MAST3: variants seen among roughly 807,000 people sequenced by gnomAD.
MAST3 encodes microtubule associated serine/threonine kinase 3, also known as microtubule-associated serine/threonine-protein kinase 3.
A neutral mutation model predicts 127.0 loss-of-function variants in MAST3; 43 were observed. The ratio of observed to expected loss-of-function variants is 0.34; its 90% CI spans 0.27 to 0.44. The LOEUF is 0.44. Ranked by LOEUF, MAST3 falls within the 20% of genes least tolerant of loss-of-function variation. The probability of loss-of-function intolerance (pLI) is 1.00; values close to 1 mark genes in which losing one functional copy is unlikely to be tolerated. For synonymous variants in MAST3, 785 were observed against 809.2 expected (o/e 0.97, Z 0.51); for missense variants, 1,390 against 1,919.1 (o/e 0.72, Z 5.15).
chr19:18,138,709 G>T (rs1363666412), intron 19 of MAST3, among the ~76,000 whole-genome samples: 1 of 152,164 alleles, frequency 6.6e-6, no homozygotes, highest in African/African-American at 2.4e-5. Flanking sequence ...ATGTTGGCCA[G>T]GCTGGTCTCA....
intron 2 of MAST3, among the ~76,000 whole-genome samples, chr19:18,108,713 C>G (rs1234665032): frequency 6.6e-6 from 1 of 151,940 alleles, no homozygotes. Flanking sequence ...CATTATTGTT[C>G]AATGCTTTCA....
chr19:18,099,457 C>G (rs1266104197), intron 1 of MAST3, among the ~76,000 whole-genome samples: 1 of 147,604 alleles, frequency 6.8e-6, no homozygotes, highest in Non-Finnish European at 1.5e-5. Flanking sequence ...TCCGGGTAGG[C>G]GAATGGGGGT....
At chr19:18,123,688 G>A (rs1368236465) in intron 8 of MAST3, 33 bp downstream of exon 8, 5 of 1,493,634 alleles carry the variant, frequency 3.3e-6, no homozygotes, top group Non-Finnish European at 4.5e-6. Context: ...ACCAGCCCCT[G>A]CACTTCTTTC....
intron 3 of MAST3, among the ~76,000 whole-genome samples, chr19:18,120,618 C>A (rs927732677): frequency 6.6e-6 from 1 of 152,358 alleles, no homozygotes; most frequent in East Asian, 1.9e-4. Flanking sequence ...CCCACTGCAA[C>A]CTCCGCCTCC....
chr19:18,140,244 G>A (rs1456182644), intron 20 of MAST3, among the ~76,000 whole-genome samples: 1 of 150,864 alleles, frequency 6.6e-6, no homozygotes, highest in African/African-American at 2.4e-5. Flanking sequence ...GCCAGGCGGT[G>A]GTGGGTGCCT....
At position 18,110,263 on chromosome 19, in the gene MAST3, G is replaced by A; in HGVS notation, c.72-389G>A. 1 of 985,596 alleles carries A rather than the reference G, an allele frequency of 1.0e-6. No individual in the cohort carries two copies. The highest frequency in any genetic ancestry group is 1.2e-6 in the Non-Finnish European group (1 of 830,056). The allele number at this position is 985,596 out of a possible 1,614,324, so 61.1% of individuals were successfully genotyped here. On this transcript the variant is annotated intron_variant, in intron 2 of 27. Transcript: ENST00000687212. This position sits in a 1 kb window ranked among gnomAD's most constrained non-coding sequence, Gnocchi z 4.3. ...CGCTCGCGCCACGATCAGGGCTTCC[G>A]GGGGCCAACAAGGGGGCGTCGGTAC...
At chr19:18,118,109 C>G in intron 3 of MAST3, 1 of 985,404 alleles carries the variant, frequency 1.0e-6, no homozygotes, top group Non-Finnish European at 1.2e-6. Flanking sequence ...GCCGATCCCA[C>G]CGCCGAGGCC....
rs1355155626 is a variant in MAST3 at position 18,110,692 on chromosome 19, AGCAGCCCCT to A, written c.123_131del (p.Cys44_Pro46del). The A allele has an allele frequency of 1.0e-6, 1 of 985,784 alleles. No individual in the cohort carries two copies. The highest frequency in any genetic ancestry group is 1.2e-6 in the Non-Finnish European group (1 of 830,012). 61.1% of individuals were successfully genotyped at this position (985,784 alleles called of 1,614,324 possible). On this transcript the variant is annotated inframe_deletion, in exon 3 of 28. Transcript: ENST00000687212. The surrounding 1 kb of genome is among the most constrained non-coding windows in gnomAD (Gnocchi z 4.3). The stretch of plus-strand genomic sequence containing the variant: ...CCAGAGCCCGTCCCTGCTGGGTCCC[AGCAGCCCCT>A]GCAGCCCCTGTAGCCCCTCCTTGGG...
At chr19:18,142,480 T>C (rs1325264040) in intron 21 of MAST3, among the ~76,000 whole-genome samples, 1 of 150,048 alleles carries the variant, frequency 6.7e-6, no homozygotes, top group African/African-American at 2.5e-5. Context: ...GCCTCCCGAG[T>C]AGCTGGGACT....
In MAST3 at chr19:18,149,326, G is replaced by A. The variant is rs958308656; in HGVS notation, c.3644G>A (p.Arg1215His). 4.6e-6 allele frequency: 7 copies of A among 1,524,974 alleles called. No individual in the cohort carries two copies. The highest frequency in any genetic ancestry group is 2.7e-5 in the East Asian group (1 of 37,548). 94.5% of individuals were successfully genotyped at this position (1,524,974 alleles called of 1,614,324 possible). A position where few individuals can be genotyped will look rare whatever the true frequency, so the allele number is the denominator to read the frequency against. ...GGGCCACCCCGCCCCAAGACTGGCC[G>A]CCGCAAGTCCACCAGCAGCATCCCG... ...KLGPPRPKTG[R>H]RKSTSSIPPS... is the part of the protein sequence containing the mutation. Residue 1215 changes from arginine to histidine, a missense_variant, in exon 28 of 28, where the codon CGC (arginine) becomes CAC (histidine). This residue lies in a region of MAST3 where 816 missense variants were observed against 934.1 expected (regional missense o/e 0.87). Coordinates refer to ENST00000687212, the MANE Select transcript of MAST3 (RefSeq NM_001393504.1). The surrounding 1 kb of genome is among the most constrained non-coding windows in gnomAD (Gnocchi z 5.9).
chr19:18,146,538 C>T (rs1376884916), intron 25 of MAST3, among the ~76,000 whole-genome samples: 2 of 152,026 alleles, frequency 1.3e-5, no homozygotes, highest in African/African-American at 4.8e-5. Context: ...GGCCTAATGA[C>T]TCATGGGCCA....
Position 18,122,680 on chromosome 19 carries a change from G to A in MAST3, c.328G>A (p.Gly110Ser), listed in dbSNP as rs758482921. The change falls in exon 6 of 28, where the codon GGC becomes AGC. Residue 110 changes from glycine to serine, a missense_variant. Around this residue, in one of 5 missense-constraint regions of MAST3, gnomAD observed 45 missense variants for 113.0 expected, o/e 0.40. Transcript: ENST00000687212. Reference protein sequence around the residue: ...LNFPFARRADGRRWSLASLPS... With the variant: ...LNFPFARRADSRRWSLASLPS... Reference sequence around the variant, plus strand: ...TCTTGTTCCCCTCTCCAGGGCAGACGGCAGAAGATGGTCCCTCGCGTCTCT... The same window carrying A: ...TCTTGTTCCCCTCTCCAGGGCAGACAGCAGAAGATGGTCCCTCGCGTCTCT... 6 of 1,613,046 alleles carry A rather than the reference G, an allele frequency of 3.7e-6. No individual in the cohort carries two copies. The highest frequency in any genetic ancestry group is 2.2e-5 in the East Asian group (1 of 44,852).
chr19:18,123,525 C>T, intron 7 of MAST3, 55 bp from the exon 8 acceptor site: 2 of 1,475,552 alleles, frequency 1.4e-6, no homozygotes, highest in Non-Finnish European at 1.8e-6. Context: ...CCCCAACATC[C>T]TCCCCTGGGG....
intron 3 of MAST3, among the ~76,000 whole-genome samples, chr19:18,116,088 A>ATTTTTTTTTTTTTTTTTTT (rs2039190139): frequency 2.4e-5 from 1 of 41,408 alleles, no homozygotes; most frequent in African/African-American, 1.3e-4. Context: ...ATTTGAAATT[A>ATTTTTTTTTTTTTTTTTTT]TCTTTTTTTT....
intron 1 of MAST3, chr19:18,098,728 G>C (rs1285359638): frequency 8.8e-6 from 4 of 456,616 alleles, no homozygotes; most frequent in Non-Finnish European, 1.8e-5. Context: ...AAGTTTTCAG[G>C]TAGGGAACCT....
chr19:18,124,141 T>C lies in MAST3; in HGVS notation c.836T>C (p.Leu279Pro). 6.2e-7 allele frequency: 1 copy of C among 1,609,110 alleles called. No homozygotes were observed. The highest frequency in any genetic ancestry group is 8.5e-7 in the Non-Finnish European group (1 of 1,178,008). ...ATGCAGGAGAAGCTGGAGCGGCTTC[T>C]GCAGGATGTGCGTGGTTTTTCGCAT... Reference protein sequence around the residue: ...LEMQEKLERLLQDAHERSDSE... With the variant: ...LEMQEKLERLPQDAHERSDSE... Residue 279 changes from leucine (L) to proline (P), a missense_variant, in exon 9 of 28, where the codon CTG becomes CCG. Physicochemically the swap from Leu to Pro is moderately conservative, Grantham distance 98. Around this residue, in one of 5 missense-constraint regions of MAST3, gnomAD observed 277 missense variants for 384.8 expected, o/e 0.72. Coordinates refer to ENST00000687212, the MANE Select transcript of MAST3 (RefSeq NM_001393504.1).
rs528096281 is a variant in MAST3, at chr19:18,138,788, C to T, written c.2096-227C>T. On this transcript the variant is annotated intron_variant, in intron 19 of 27. Coordinates refer to ENST00000687212, the MANE Select transcript of MAST3 (RefSeq NM_001393504.1). Reference sequence around the variant, plus strand: ...TGCTGGGATTACAGGCGTGAGCCACCGCACCCGGCCCCACAACTTTTTAGG... The same window carrying T: ...TGCTGGGATTACAGGCGTGAGCCACTGCACCCGGCCCCACAACTTTTTAGG... 7.2e-5 allele frequency among the ~76,000 whole-genome samples: 11 copies of T among 152,204 alleles called. No individual in the cohort carries two copies. The East Asian group carries it at 7.8e-4, about 11-fold the overall frequency.
intron 15 of MAST3, among the ~76,000 whole-genome samples, chr19:18,133,680 A>G (rs756440685): frequency 1.5e-4 from 23 of 150,446 alleles, no homozygotes; most frequent in East Asian, 6.0e-4. Flanking sequence ...CAGCCTTCCA[A>G]TTAGCTGGGA....
In MAST3 at chr19:18,121,877, G is replaced by A. The variant is rs767728897; in HGVS notation, c.275G>A (p.Arg92Gln). The change falls in exon 5 of 28, where the codon CGG (arginine) becomes CAG (glutamine). Residue 92 changes from arginine to glutamine, a missense_variant. By Grantham distance (43) the Arg-to-Gln change is conservative. Transcript: ENST00000687212. Reference sequence around the variant, plus strand: ...GGCAGCAGCCCCTTGGATAGTCCTCGGAATTTCTCGGCTGCCTCTGCCCTA... The same window carrying A: ...GGCAGCAGCCCCTTGGATAGTCCTCAGAATTTCTCGGCTGCCTCTGCCCTA... Reference protein sequence around the residue: ...PTGSSPLDSPRNFSAASALNF... With the variant: ...PTGSSPLDSPQNFSAASALNF... The A allele has an allele frequency of 3.1e-6, 5 of 1,613,916 alleles. No individual in the cohort carries two copies. The highest frequency in any genetic ancestry group is 4.5e-5 in the East Asian group (2 of 44,898).
Sources: allele counts gnomAD v4.1 joint callset (sites outside exome capture counted in the v4.1 genomes callset), GRCh38; gene constraint gnomAD v4.1.1; regional missense constraint gnomAD v4.1.1; non-coding constraint Gnocchi (gnomAD v3.1); transcripts MANE v1.5; gene names NCBI Gene and HGNC (gene_info 2026-07-23, HGNC 2026-07-21).